The following ANKRD11 variants were observed in gnomAD, a reference collection of about 807,000 sequenced individuals.
ANKRD11 encodes ankyrin repeat domain 11.
Under a neutral mutation model 195.7 loss-of-function variants are expected in ANKRD11, and 17 were observed. The ratio of observed to expected loss-of-function variants is 0.09; its 90% confidence interval spans 0.06 to 0.13. The LOEUF is 0.13. Ranked by LOEUF, ANKRD11 falls within the 10% of genes least tolerant of loss-of-function variation. The pLI is 1.00. For synonymous variants in ANKRD11, 1,953 were observed against 1,528.1 expected (o/e 1.28, Z -6.49); for missense variants, 3,735 against 3,566.1 (o/e 1.05, Z -1.21).
At chr16:89,443,125 C>G (rs1423602571) in intron 1 of ANKRD11, among the ~76,000 whole-genome samples, 1 of 152,120 alleles carries the variant, frequency 6.6e-6, no homozygotes, top group Non-Finnish European at 1.5e-5. Context: ...CCGTGTAGCT[C>G]GGATTACAGG....
At chr16:89,458,325 G>C (rs140987914) in intron 1 of ANKRD11, among the ~76,000 whole-genome samples, 4,122 of 151,976 alleles carry the variant, frequency 0.027, 194 homozygotes, top group African/African-American at 0.094. Context: ...CCCGGGTTCA[G>C]GCCATTCTCC....
intron 2 of ANKRD11, among the ~76,000 whole-genome samples, chr16:89,349,454 TG>T (rs1247260094): frequency 2.0e-5 from 3 of 152,154 alleles, no homozygotes; most frequent in African/African-American, 7.2e-5. Flanking sequence ...CACTCCAGCC[TG>T]GGCGACAGAG....
intron 2 of ANKRD11, among the ~76,000 whole-genome samples, chr16:89,411,239 G>A (rs947599001): frequency 1.3e-5 from 2 of 152,228 alleles, no homozygotes; most frequent in African/African-American, 2.4e-5. Flanking sequence ...CCACCACGGG[G>A]GCCCAGGGAC....
At chr16:89,364,749 T>G (rs924527314) in intron 2 of ANKRD11, among the ~76,000 whole-genome samples, 3 of 152,190 alleles carry the variant, frequency 2.0e-5, no homozygotes, top group African/African-American at 7.2e-5. Context: ...TTGCCCTATC[T>G]CACACTGTTC....
intron 1 of ANKRD11, among the ~76,000 whole-genome samples, chr16:89,448,424 C>A (rs1175166907): frequency 6.6e-6 from 1 of 152,156 alleles, no homozygotes; most frequent in Non-Finnish European, 1.5e-5. Flanking sequence ...AGAATTCACA[C>A]CATGAGTTCC....
chr16:89,334,394 T>C (rs536469641), intron 2 of ANKRD11, among the ~76,000 whole-genome samples: 83 of 151,884 alleles, frequency 5.5e-4, no homozygotes, highest in Non-Finnish European at 1.1e-3. Context: ...AGGTTCTGAG[T>C]GGGTCCAGCT....
intron 2 of ANKRD11, among the ~76,000 whole-genome samples, chr16:89,379,439 T>G (rs907102964): frequency 2.6e-5 from 4 of 152,206 alleles, no homozygotes; most frequent in Non-Finnish European, 5.9e-5. Context: ...CCACACCCTG[T>G]CAGGGCATCC....
intron 2 of ANKRD11, chr16:89,360,490 A>C (rs2039681828): frequency 6.6e-6 from 1 of 152,240 alleles, no homozygotes; most frequent in South Asian, 2.1e-4. Flanking sequence ...AATCCTACAA[A>C]ATTTAAAAGA....
In ANKRD11 at chr16:89,283,010, CCTT is replaced by C. The variant is rs2034391468; in HGVS notation, c.3529_3531del (p.Lys1177del). The C allele has an allele frequency of 6.2e-7, 1 of 1,613,672 alleles. No homozygotes were observed. The highest frequency in any genetic ancestry group is 1.1e-5 in the South Asian group (1 of 91,088). The stretch of plus-strand genomic sequence containing the variant: ...TTTCTCCTGTCTCTGGGCTCCTTGT[CCTT>C]CTGCCTCTCAGGGTGCTGCTTGTCA... On this transcript the variant is annotated inframe_deletion, in exon 9 of 13. Coordinates refer to ENST00000301030, the MANE Select transcript of ANKRD11 (RefSeq NM_013275.6). This position sits in a 1 kb window ranked among gnomAD's most constrained non-coding sequence, Gnocchi z 4.3.
chr16:89,481,304 G>C (rs928392314), intron 1 of ANKRD11, among the ~76,000 whole-genome samples: 1 of 152,138 alleles, frequency 6.6e-6, no homozygotes, highest in Admixed American at 6.5e-5. Context: ...GTGATGTCTT[G>C]TGCCTGTCAT....
intron 12 of ANKRD11, among the ~76,000 whole-genome samples, chr16:89,269,055 A>G (rs2032894642): frequency 6.6e-6 from 1 of 152,232 alleles, no homozygotes; most frequent in African/African-American, 2.4e-5. Flanking sequence ...TCTAGTAGAA[A>G]CTATGCCATT....
chr16:89,300,986 A>G, intron 4 of ANKRD11: 1 of 652,954 alleles, frequency 1.5e-6, no homozygotes, highest in Non-Finnish European at 2.8e-6. Context: ...AGCGAGACTC[A>G]GGGTCACAGA....
intron 1 of ANKRD11, among the ~76,000 whole-genome samples, chr16:89,468,536 C>G (rs1041005448): frequency 6.6e-6 from 1 of 152,156 alleles, no homozygotes; most frequent in Non-Finnish European, 1.5e-5. Context: ...GAAATCCTGT[C>G]TCTACTAAAA....
chr16:89,366,227 G>A (rs958792570), intron 2 of ANKRD11, among the ~76,000 whole-genome samples: 4 of 151,008 alleles, frequency 2.6e-5, no homozygotes, highest in Admixed American at 1.3e-4. Flanking sequence ...TATCCAATCC[G>A]TCACTGATAG....
intron 1 of ANKRD11, among the ~76,000 whole-genome samples, chr16:89,455,181 T>A (rs539039550): frequency 7.5e-5 from 10 of 132,710 alleles, no homozygotes; most frequent in African/African-American, 2.9e-4. Flanking sequence ...CCTGGGTGCT[T>A]CTAGCATTCC....
intron 3 of ANKRD11, among the ~76,000 whole-genome samples, chr16:89,312,663 G>A (rs55857430): frequency 0.032 from 4,876 of 152,330 alleles, 142 homozygotes; most frequent in East Asian, 0.049. Context: ...CGGTCTCAGG[G>A]GTGTGTGAGC....
intron 2 of ANKRD11, among the ~76,000 whole-genome samples, chr16:89,365,309 T>C (rs2039898877): frequency 6.6e-6 from 1 of 152,214 alleles, no homozygotes; most frequent in South Asian, 2.1e-4. Context: ...CATCACCTCC[T>C]GACGTTTCCA....
intron 1 of ANKRD11, among the ~76,000 whole-genome samples, chr16:89,484,565 A>C (rs1296955585): frequency 1.3e-5 from 2 of 152,222 alleles, no homozygotes; most frequent in Admixed American, 1.3e-4. Context: ...TAAGTCTGAA[A>C]AGAGCCATAG....
chr16:89,324,714 G>C, intron 2 of ANKRD11: 2 of 331,346 alleles, frequency 6.0e-6, no homozygotes, highest in South Asian at 4.6e-5. Flanking sequence ...TCAGCTTTTG[G>C]GTTCTTGGAC....
Sources: allele counts gnomAD v4.1 joint callset (sites outside exome capture counted in the v4.1 genomes callset), GRCh38; gene constraint gnomAD v4.1.1; non-coding constraint Gnocchi (gnomAD v3.1); transcripts MANE v1.5; gene names NCBI Gene and HGNC (gene_info 2026-07-23, HGNC 2026-07-21).